PNPLA7: variants seen among roughly 807,000 people sequenced by gnomAD.
PNPLA7 encodes patatin like domain 7, lysophospholipase, also known as patatin-like phospholipase domain-containing protein 7.
Under a neutral mutation model 161.7 loss-of-function variants are expected in PNPLA7, and 153 were observed. That is an observed-to-expected ratio of 0.95 (90% CI 0.83 to 1.08). PNPLA7 has a LOEUF of 1.08. Among genes scored for constraint, PNPLA7 ranks in the 50% least tolerant of loss-of-function variants. The pLI is 0.00. For synonymous variants in PNPLA7, 809 were observed against 782.1 expected, an observed-to-expected ratio of 1.03 and a Z score of -0.57; for missense variants, 1,739 against 1,856.6, an observed-to-expected ratio of 0.94 and a Z score of 1.16.
chr9:137,485,643 G>C (rs1832442115), intron 20 of PNPLA7, among the ~76,000 whole-genome samples: 1 of 152,256 alleles, frequency 6.6e-6, no homozygotes, highest in African/African-American at 2.4e-5. Context: ...ATCTGCAAGG[G>C]ATTCCAGAAA....
intron 25 of PNPLA7, among the ~76,000 whole-genome samples, chr9:137,470,478 C>A (rs183729059): frequency 1.3e-5 from 2 of 151,906 alleles, no homozygotes; most frequent in Non-Finnish European, 2.9e-5. Flanking sequence ...ATCCCAGCAG[C>A]GAGCTGTGAT....
intron 9 of PNPLA7, 150 bp downstream of exon 9, chr9:137,522,579 C>A: frequency 1.1e-6 from 1 of 880,798 alleles, no homozygotes. Flanking sequence ...AAGTTGATTT[C>A]TCTATTCCTC....
rs1213546710 is a variant in PNPLA7 at position 137,497,216 on chromosome 9, C to T, written c.1984G>A (p.Glu662Lys). The T allele has an allele frequency of 6.3e-7, 1 of 1,587,896 alleles. No individual in the cohort carries two copies. Among genetic ancestry groups the T allele is most frequent in the South Asian group, 1.2e-5 (1 of 86,822 alleles). ...CCGACGAGGTCTCCTCGGCCGTACTCCCCGGCCAGGCGCTTCTTCCCATCA... is the reference window on the plus strand; with the variant it reads ...CCGACGAGGTCTCCTCGGCCGTACTTCCCGGCCAGGCGCTTCTTCCCATCA... ...KDDGKKRLAG[E>K]YGRGDLVGVV... The change falls in exon 18 of 35, where the codon GAG becomes AAG. Residue 662 changes from glutamate to lysine, a missense_variant. This residue lies in a region of PNPLA7 where 481 missense variants were observed against 450.0 expected (regional missense o/e 1.07). Transcript: ENST00000406427.
At chr9:137,546,198 TC>T (rs1218264502) in intron 4 of PNPLA7, among the ~76,000 whole-genome samples, 3 of 151,938 alleles carry the variant, frequency 2.0e-5, no homozygotes, top group African/African-American at 7.3e-5. Flanking sequence ...TCTCTCTCTC[TC>T]CTCTCTCTCT....
At chr9:137,463,830 C>A (rs1831336217) in intron 28 of PNPLA7, among the ~76,000 whole-genome samples, 1 of 152,122 alleles carries the variant, frequency 6.6e-6, no homozygotes, top group Admixed American at 6.5e-5. Context: ...GAGCCCCTCA[C>A]CCCAGGACTC....
In PNPLA7 at chr9:137,460,486, G is replaced by T; in HGVS notation, c.3946-10C>A. The T allele has an allele frequency of 6.2e-7, 1 of 1,612,168 alleles. No homozygotes were observed. The highest frequency in any genetic ancestry group is 1.1e-5 in the South Asian group (1 of 91,028). On this transcript the variant is annotated splice_polypyrimidine_tract_variant and intron_variant, in intron 34 of 34. Transcript: ENST00000406427. Reference sequence around the variant, plus strand: ...GTGAGGACTCGTCCTCCTGCAAGCAGACCGCATGTTCCAGGTGAGGACCAG... The same window carrying T: ...GTGAGGACTCGTCCTCCTGCAAGCATACCGCATGTTCCAGGTGAGGACCAG...
At position 137,543,677 on chromosome 9, in the gene PNPLA7, CATGGGGG is replaced by C; in HGVS notation, c.365+40_365+46del. 6.2e-7 allele frequency: 1 copy of C among 1,612,696 alleles called. No individual in the cohort carries two copies. Among genetic ancestry groups the C allele is most frequent in the South Asian group, 1.1e-5 (1 of 91,002 alleles). ...AGCTCAGGGTTGGGGAGGCCAGCAC[CATGGGGG>C]GCACCTGGGGCAGGATGTGGTCTGA... On this transcript the variant is annotated intron_variant, in intron 5 of 34. Coordinates refer to ENST00000406427, the MANE Select transcript of PNPLA7 (RefSeq NM_001098537.3). This position sits in a 1 kb window ranked among gnomAD's most constrained non-coding sequence, Gnocchi z 6.9.
intron 24 of PNPLA7, 89 bp downstream of exon 24, chr9:137,478,967 A>T: frequency 7.1e-7 from 1 of 1,409,258 alleles, no homozygotes; most frequent in Non-Finnish European, 9.5e-7. Flanking sequence ...GGTGTCAGGG[A>T]ATCAGGTGGG....
chr9:137,522,207 T>C (rs1018888885), intron 9 of PNPLA7, among the ~76,000 whole-genome samples: 1 of 152,314 alleles, frequency 6.6e-6, no homozygotes, highest in African/African-American at 2.4e-5. Flanking sequence ...CCCGAGTAGC[T>C]GGGACTACAG....
Position 137,547,878 on chromosome 9 carries a change from G to T in PNPLA7, c.31-219C>A, listed in dbSNP as rs1214180509. On this transcript the variant is annotated intron_variant, in intron 1 of 34. Coordinates refer to ENST00000406427, the MANE Select transcript of PNPLA7 (RefSeq NM_001098537.3). The surrounding 1 kb of genome is among the most constrained non-coding windows in gnomAD (Gnocchi z 4.6). ...CTCCCTCAGTCACTGGGATACAGTG[G>T]GGCAGGGCCAGCGGCTGCCCCAGGC... 6.6e-6 allele frequency among the ~76,000 whole-genome samples: 1 copy of T among 152,162 alleles called. No homozygotes were observed. The highest frequency in any genetic ancestry group is 1.5e-5 in the Non-Finnish European group (1 of 68,024).
At position 137,495,013 on chromosome 9, in the gene PNPLA7, C is replaced by G; in HGVS notation, c.2127+20G>C. ...TCCACACCCTCATCCGCTCCGCATC[C>G]TCACCCACGCCATGCTCACCTGTGG... On this transcript the variant is annotated intron_variant, in intron 19 of 34. Coordinates refer to ENST00000406427, the MANE Select transcript of PNPLA7 (RefSeq NM_001098537.3). The G allele has an allele frequency of 6.3e-7, 1 of 1,593,074 alleles. No homozygotes were observed. The highest frequency in any genetic ancestry group is 8.6e-7 in the Non-Finnish European group (1 of 1,166,448).
At chr9:137,460,930 C>T (rs1336170120) in intron 33 of PNPLA7, 193 bp from the exon 34 acceptor site, 7 of 580,540 alleles carry the variant, frequency 1.2e-5, no homozygotes, top group Non-Finnish European at 1.9e-5. Flanking sequence ...TCCAGCTTTG[C>T]CCCAGCACAT....
chr9:137,509,738 T>G (rs946254335), intron 12 of PNPLA7: 30 of 455,948 alleles, frequency 6.6e-5, no homozygotes, highest in African/African-American at 5.2e-4. Flanking sequence ...AGCAGTCGGA[T>G]GAGGCTGAGG....
chr9:137,514,148 GGCT>G (rs1834383754), intron 12 of PNPLA7, among the ~76,000 whole-genome samples: 1 of 150,640 alleles, frequency 6.6e-6, no homozygotes, highest in East Asian at 2.0e-4. Flanking sequence ...CCTGTGGCTG[GGCT>G]GCGGGCGTGT....
At chr9:137,488,218 G>A (rs549889695) in intron 20 of PNPLA7, among the ~76,000 whole-genome samples, 1 of 151,638 alleles carries the variant, frequency 6.6e-6, no homozygotes, top group African/African-American at 2.4e-5. Flanking sequence ...CGGCTCTCGC[G>A]GTCTGATGTC....
chr9:137,515,655 G>C (rs989715715), intron 11 of PNPLA7, 136 bp from the exon 12 acceptor site: 9 of 1,113,312 alleles, frequency 8.1e-6, no homozygotes, highest in Non-Finnish European at 1.1e-5. Context: ...CCAGCCCACC[G>C]GCCACCAGGC....
At chr9:137,515,104 G>A (rs1810368885) in intron 12 of PNPLA7, among the ~76,000 whole-genome samples, 1 of 152,160 alleles carries the variant, frequency 6.6e-6, no homozygotes, top group Non-Finnish European at 1.5e-5. Flanking sequence ...TGGCTCTGCG[G>A]GGCATCTGGT....
chr9:137,541,885 G>A lies in PNPLA7; in HGVS notation c.666+757C>T, dbSNP rs1337000569. On this transcript the variant is annotated intron_variant, in intron 7 of 34. Transcript: ENST00000406427. The surrounding 1 kb of genome is among the most constrained non-coding windows in gnomAD (Gnocchi z 4.4). Reference sequence around the variant, plus strand: ...TAGCCGCAACCTCCCAGACTCAAGCGATCCTCCCACCTCAGCCCCCAAGTG... The same window carrying A: ...TAGCCGCAACCTCCCAGACTCAAGCAATCCTCCCACCTCAGCCCCCAAGTG... Among the ~76,000 whole-genome samples, 1 of 151,876 alleles carries A rather than the reference G, an allele frequency of 6.6e-6. No homozygotes were observed. Among genetic ancestry groups the A allele is most frequent in the African/African-American group, 2.4e-5 (1 of 41,326 alleles).
At chr9:137,498,049 C>T (rs1342965484) in intron 17 of PNPLA7, 65 bp downstream of exon 17, 2 of 1,575,226 alleles carry the variant, frequency 1.3e-6, no homozygotes, top group Non-Finnish European at 8.7e-7. Flanking sequence ...CCGTGCTTTG[C>T]CCATCCCCAG....
Sources: allele counts gnomAD v4.1 joint callset (sites outside exome capture counted in the v4.1 genomes callset), GRCh38; gene constraint gnomAD v4.1.1; regional missense constraint gnomAD v4.1.1; non-coding constraint Gnocchi (gnomAD v3.1); transcripts MANE v1.5; gene names NCBI Gene and HGNC (gene_info 2026-07-23, HGNC 2026-07-21).